Variants in EGF observed in about 807,000 individuals in gnomAD.
EGF encodes pro-epidermal growth factor.
EGF carries 95 observed loss-of-function variants against 143.8 expected under a neutral mutation model. The observed-to-expected ratio is 0.66, with a 90% confidence interval of 0.56 to 0.78. The LOEUF is 0.78. Ranked by LOEUF, EGF falls within the 30% of genes least tolerant of loss-of-function variation. The pLI, the probability that EGF is intolerant of heterozygous loss-of-function variation, is 0.00. For synonymous variants in EGF, 510 were observed against 510.5 expected, an observed-to-expected ratio of 1.00 and a Z score of 0.01; for missense variants, 1,320 against 1,470.9, an observed-to-expected ratio of 0.90 and a Z score of 1.68.
intron 1 of EGF, among the ~76,000 whole-genome samples, chr4:109,933,444 T>G (rs1352422836): frequency 6.6e-6 from 1 of 152,112 alleles, no homozygotes; most frequent in South Asian, 2.1e-4. Flanking sequence ...TTTTTATACT[T>G]TAAGTTCTAC....
rs569801820 is a variant in EGF, at chr4:110,012,575, C to G, written c.*1120C>G. 7.2e-5 allele frequency among the ~76,000 whole-genome samples: 11 copies of G among 152,120 alleles called. No individual in the cohort carries two copies. The South Asian group carries it at 2.3e-3, about 32-fold the overall frequency. On this transcript the variant is annotated 3_prime_UTR_variant, in exon 24 of 24. Transcript: ENST00000265171. ...TTTTATTTTTTGTAGACATGGGGAT[C>G]ACACAATGTTGCCCAGGCTGGTCTT... is the stretch of plus-strand genomic sequence containing the variant.
intron 1 of EGF, among the ~76,000 whole-genome samples, chr4:109,920,468 T>C (rs1351208574): frequency 6.6e-6 from 1 of 151,544 alleles, no homozygotes; most frequent in South Asian, 2.1e-4. Context: ...GAGCACTTGA[T>C]GGGGCGAGGA....
chr4:109,997,574 G>C (rs920279927), intron 20 of EGF, among the ~76,000 whole-genome samples: 1 of 151,840 alleles, frequency 6.6e-6, no homozygotes, highest in African/African-American at 2.4e-5. Context: ...CCATTCTCCT[G>C]CCTCAGCCTC....
At chr4:110,004,658 C>T (rs1421458317) in intron 22 of EGF, 36 bp downstream of exon 22, 3 of 1,570,470 alleles carry the variant, frequency 1.9e-6, no homozygotes, top group Non-Finnish European at 2.6e-6. Flanking sequence ...AAGGAATTGG[C>T]TTGATATTAA....
In EGF at chr4:109,923,044, T is replaced by C. The variant is rs150631213; in HGVS notation, c.127+9582T>C. On this transcript the variant is annotated intron_variant, in intron 1 of 23. Coordinates refer to ENST00000265171, the MANE Select transcript of EGF (RefSeq NM_001963.6). ...AAACTATCTTAACCAGCAGGTTCTT[T>C]GTGATTTTTAAAAATTATCCTTTTT... Among the ~76,000 whole-genome samples, 32 of 151,656 alleles carry C rather than the reference T, an allele frequency of 2.1e-4. 2 individuals are homozygous for C. The highest frequency in any genetic ancestry group is 7.8e-4 in the African/African-American group (32 of 40,942).
At chr4:109,962,629 G>A (rs772365560) in intron 8 of EGF, among the ~76,000 whole-genome samples, 7 of 152,218 alleles carry the variant, frequency 4.6e-5, no homozygotes, top group Non-Finnish European at 8.8e-5. Context: ...GGTAGAATAA[G>A]AGGACAAGGG....
chr4:109,913,677 T>A (rs1736096514), intron 1 of EGF, among the ~76,000 whole-genome samples: 1 of 152,262 alleles, frequency 6.6e-6, no homozygotes, highest in Non-Finnish European at 1.5e-5. Flanking sequence ...AAACTGTACT[T>A]CTGTGTATAA....
Position 109,961,867 on chromosome 4 carries a change from T to G in EGF, c.1194T>G (p.Leu398=), listed in dbSNP as rs1745756012. ...ACCTTGTTCTTTATTAATTAGAACT[T>G]GTTTCCTGTCCACGCAATGTGTCTG... ...LLPDGKRCHQ[L]VSCPRNVSEC... Residue 398 remains leucine, a synonymous_variant, in exon 8 of 24, where the codon CTT becomes CTG. Coordinates refer to ENST00000265171, the MANE Select transcript of EGF (RefSeq NM_001963.6). 6.2e-7 allele frequency: 1 copy of G among 1,613,662 alleles called. No homozygotes were observed. Among genetic ancestry groups the G allele is most frequent in the South Asian group, 1.1e-5 (1 of 91,084 alleles).
intron 1 of EGF, among the ~76,000 whole-genome samples, chr4:109,931,048 C>G (rs1739601032): frequency 6.6e-6 from 1 of 152,204 alleles, no homozygotes; most frequent in African/African-American, 2.4e-5. Context: ...TAGGTTTTGA[C>G]ATGGGAAAGC....
At position 109,957,934 on chromosome 4, in the gene EGF, A is replaced by G. The variant is rs11568920; in HGVS notation, c.941-1378A>G. 3.8e-4 allele frequency among the ~76,000 whole-genome samples: 58 copies of G among 152,266 alleles called. 1 individual carries two copies. The highest frequency in any genetic ancestry group is 1.4e-3 in the African/African-American group (57 of 41,558). ...GCTCAAGCTTGCTACTGTATTTCTC[A>G]TAGTATTTTACAATGGTGCTATTGT... is the stretch of plus-strand genomic sequence containing the variant. On this transcript the variant is annotated intron_variant, in intron 5 of 23. Coordinates refer to ENST00000265171, the MANE Select transcript of EGF (RefSeq NM_001963.6).
intron 1 of EGF, among the ~76,000 whole-genome samples, chr4:109,926,889 G>A (rs1477417689): frequency 1.3e-5 from 2 of 152,148 alleles, no homozygotes; most frequent in African/African-American, 4.8e-5. Flanking sequence ...TGTTGGAGAT[G>A]TTTCCATTGT....
chr4:109,917,497 T>C (rs982160982), intron 1 of EGF, among the ~76,000 whole-genome samples: 3 of 149,506 alleles, frequency 2.0e-5, no homozygotes, highest in Middle Eastern at 3.4e-3. Flanking sequence ...AGTTTTTGTC[T>C]TTTTTTTTTA....
intron 20 of EGF, among the ~76,000 whole-genome samples, chr4:109,995,307 G>T (rs909292792): frequency 6.6e-6 from 1 of 152,098 alleles, no homozygotes; most frequent in African/African-American, 2.4e-5. Flanking sequence ...ATTCACACTG[G>T]ACTTCTTGCC....
rs545744903 is a variant in EGF at position 109,927,190 on chromosome 4, AAT to A, written c.127+13730_127+13731del. 1.2e-3 allele frequency among the ~76,000 whole-genome samples: 185 copies of A among 152,376 alleles called. 1 individual carries two copies. Among genetic ancestry groups the A allele is most frequent in the African/African-American group, 4.3e-3 (177 of 41,604 alleles). ...AAAAAGTAAATTTTGTGATTTTGTAAATACAGCCAATGATGCATTTATTTCAT... is the reference window on the plus strand; with the variant it reads ...AAAAAGTAAATTTTGTGATTTTGTAAACAGCCAATGATGCATTTATTTCAT... On this transcript the variant is annotated intron_variant, in intron 1 of 23. Transcript: ENST00000265171.
chr4:109,993,035 A>G (rs920514913), intron 18 of EGF, among the ~76,000 whole-genome samples: 5 of 151,548 alleles, frequency 3.3e-5, no homozygotes, highest in East Asian at 2.1e-4. Flanking sequence ...AACATGGCAC[A>G]TGTATACATA....
In EGF at chr4:109,949,403, T is replaced by C. The variant is rs535014760; in HGVS notation, c.940+4128T>C. Among the ~76,000 whole-genome samples the C allele has an allele frequency of 5.1e-4, 77 of 152,306 alleles. 2 individuals are homozygous for C. The highest frequency in any genetic ancestry group is 4.6e-3 in the Admixed American group (70 of 15,286). On this transcript the variant is annotated intron_variant, in intron 5 of 23. Transcript: ENST00000265171. ...GTTCTATGGGATTTAATGAGGTTAC[T>C]TAGGGGAAAAAACCTTTCGGGGCCA... is the stretch of plus-strand genomic sequence containing the variant.
chr4:109,980,031 C>T lies in EGF; in HGVS notation c.2113C>T (p.Pro705Ser). The T allele has an allele frequency of 1.2e-6, 2 of 1,613,990 alleles. No homozygotes were observed. Among genetic ancestry groups the T allele is most frequent in the Non-Finnish European group, 1.7e-6 (2 of 1,179,930 alleles). Residue 705 changes from proline to serine, a missense_variant, in exon 14 of 24, where the codon CCA becomes TCA. Around this residue, in one of 5 missense-constraint regions of EGF, gnomAD observed 1,186 missense variants for 1,313.7 expected, o/e 0.90. Coordinates refer to ENST00000265171, the MANE Select transcript of EGF (RefSeq NM_001963.6). ...TGTGTGGTTCTCAGATTGGGCTATGCCATCAGTAATGAGAGTAAACAAGAG... is the reference window on the plus strand; with the variant it reads ...TGTGTGGTTCTCAGATTGGGCTATGTCATCAGTAATGAGAGTAAACAAGAG... Reference protein sequence around the residue: ...DYVWFSDWAMPSVMRVNKRTG... With the variant: ...DYVWFSDWAMSSVMRVNKRTG...
At chr4:109,926,417 C>G (rs1199220488) in intron 1 of EGF, among the ~76,000 whole-genome samples, 1 of 150,078 alleles carries the variant, frequency 6.7e-6, no homozygotes, top group Non-Finnish European at 1.5e-5. Flanking sequence ...TGCAGTGGCG[C>G]GATCTCGTCT....
chr4:109,984,249 A>C (rs1749803468), intron 16 of EGF, among the ~76,000 whole-genome samples: 1 of 151,370 alleles, frequency 6.6e-6, no homozygotes, highest in African/African-American at 2.4e-5. Flanking sequence ...TATGTGGCAA[A>C]AAAAAAAAAG....
Sources: allele counts gnomAD v4.1 joint callset (sites outside exome capture counted in the v4.1 genomes callset), GRCh38; gene constraint gnomAD v4.1.1; regional missense constraint gnomAD v4.1.1; transcripts MANE v1.5; gene names NCBI Gene and HGNC (gene_info 2026-07-23, HGNC 2026-07-21).